The following DNAH7 variants were observed in gnomAD, a reference collection of about 807,000 sequenced individuals.
DNAH7 encodes dynein axonemal heavy chain 7.
Under a neutral mutation model 444.6 loss-of-function variants are expected in DNAH7, and 397 were observed. That is an observed-to-expected ratio of 0.89 (90% CI 0.82 to 0.97). The LOEUF (loss-of-function observed/expected upper bound fraction) is 0.97, where lower values mean the gene tolerates loss of function less well. DNAH7 is among the 50% of genes least tolerant of loss of function. The probability of loss-of-function intolerance (pLI) is 0.00; values close to 1 mark genes in which losing one functional copy is unlikely to be tolerated. For synonymous variants in DNAH7, 1,636 were observed against 1,624.4 expected (o/e 1.01, Z -0.17); for missense variants, 4,902 against 4,800.8 (o/e 1.02, Z -0.62).
At chr2:195,964,381 G>A (rs995118286) in intron 17 of DNAH7, among the ~76,000 whole-genome samples, 1 of 151,814 alleles carries the variant, frequency 6.6e-6, no homozygotes, top group Non-Finnish European at 1.5e-5. Context: ...TAATTCTTAG[G>A]TATTTAATTT....
chr2:195,783,776 T>C (rs1695493633), intron 58 of DNAH7, among the ~76,000 whole-genome samples: 1 of 152,166 alleles, frequency 6.6e-6, no homozygotes, highest in South Asian at 2.1e-4. Flanking sequence ...CTCCATTCTG[T>C]TGTAAGAGTG....
At chr2:195,969,204 C>G (rs996016147) in intron 17 of DNAH7, among the ~76,000 whole-genome samples, 6 of 152,210 alleles carry the variant, frequency 3.9e-5, no homozygotes, top group African/African-American at 9.7e-5. Flanking sequence ...GGCTTCTATT[C>G]AGCCATTTTG....
At position 195,834,273 on chromosome 2, in the gene DNAH7, A is replaced by G; in HGVS notation, c.9033T>C (p.Tyr3011=). Residue 3011 remains tyrosine, a synonymous_variant, in exon 48 of 65, where the codon TAT becomes TAC. Coordinates refer to ENST00000312428, the MANE Select transcript of DNAH7 (RefSeq NM_018897.3). ...IKNMEKANSL[Y]VIKLSEPDYV... is the part of the protein sequence containing the mutation. Reference sequence around the variant, plus strand: ...AGTCAGGTTCACTAAGTTTAATCACATAAAGACTATTGGCTTTTTCCATGT... The same window carrying G: ...AGTCAGGTTCACTAAGTTTAATCACGTAAAGACTATTGGCTTTTTCCATGT... The G allele has an allele frequency of 6.2e-7, 1 of 1,609,880 alleles. No individual in the cohort carries two copies. Among genetic ancestry groups the G allele is most frequent in the Non-Finnish European group, 8.5e-7 (1 of 1,176,496 alleles).
intron 57 of DNAH7, among the ~76,000 whole-genome samples, chr2:195,791,394 A>T (rs1335917249): frequency 6.6e-6 from 1 of 151,210 alleles, no homozygotes; most frequent in East Asian, 1.9e-4. Flanking sequence ...AAAAAAAAAA[A>T]GTCAAAACAC....
intron 56 of DNAH7, among the ~76,000 whole-genome samples, chr2:195,796,238 T>C (rs1696129966): frequency 6.6e-6 from 1 of 152,216 alleles, no homozygotes; most frequent in South Asian, 2.1e-4. Context: ...ACAGTCCTCC[T>C]TGGTTGCTTT....
intron 49 of DNAH7, among the ~76,000 whole-genome samples, chr2:195,823,145 T>G (rs1024616952): frequency 6.6e-6 from 1 of 152,192 alleles, no homozygotes; most frequent in African/African-American, 2.4e-5. Context: ...GGTAAATACA[T>G]AGTAGACATT....
intron 51 of DNAH7, among the ~76,000 whole-genome samples, chr2:195,815,968 G>A (rs1697198098): frequency 6.6e-6 from 1 of 152,108 alleles, no homozygotes; most frequent in African/African-American, 2.4e-5. Context: ...CTCCTGCCTG[G>A]GCGACAGAGT....
intron 57 of DNAH7, among the ~76,000 whole-genome samples, chr2:195,792,829 G>C (rs1695951424): frequency 6.6e-6 from 1 of 152,078 alleles, no homozygotes; most frequent in South Asian, 2.1e-4. Context: ...GGGGGAGAGA[G>C]AGAGAGAGGA....
At chr2:195,743,089 C>T (rs1346609262) in intron 63 of DNAH7, among the ~76,000 whole-genome samples, 6 of 152,316 alleles carry the variant, frequency 3.9e-5, no homozygotes, top group East Asian at 1.9e-4. Context: ...CTTCATCTTT[C>T]TCCCATGCTG....
intron 38 of DNAH7, 22 bp downstream of exon 38, chr2:195,875,653 A>C: frequency 6.5e-7 from 1 of 1,537,538 alleles, no homozygotes. Flanking sequence ...CATCTTAGTA[A>C]TCACAAACTC....
rs75732298 is a variant in DNAH7, at chr2:196,006,936, T to C, written c.990-5078A>G. 0.02 allele frequency among the ~76,000 whole-genome samples: 2,977 copies of C among 152,100 alleles called. 251 individuals are homozygous for C. In the East Asian group the frequency reaches 0.27, roughly 14 times the overall value. On this transcript the variant is annotated intron_variant, in intron 10 of 64. Transcript: ENST00000312428. The stretch of plus-strand genomic sequence containing the variant: ...CACATATACTGAAAACTACACGACA[T>C]TGTTGAAATAAATTAAAGAAGAACT...
intron 63 of DNAH7, among the ~76,000 whole-genome samples, chr2:195,744,239 G>A (rs1029794752): frequency 5.3e-5 from 8 of 152,240 alleles, no homozygotes; most frequent in Non-Finnish European, 7.3e-5. Flanking sequence ...AGGGGCCTAC[G>A]CCCACGGAGT....
At chr2:195,907,090 T>C in intron 25 of DNAH7, 81 bp from the exon 26 acceptor site, 1 of 1,089,412 alleles carries the variant, frequency 9.2e-7, no homozygotes, top group Non-Finnish European at 1.3e-6. Context: ...ACCTGATCTT[T>C]TCAAGGATTT....
At chr2:195,830,498 T>C (rs1051976607) in intron 48 of DNAH7, among the ~76,000 whole-genome samples, 18 of 152,330 alleles carry the variant, frequency 1.2e-4, no homozygotes, top group African/African-American at 3.6e-4. Context: ...TTATCAAAAA[T>C]AGACTCAACA....
At chr2:196,034,868 C>T (rs569721913) in intron 5 of DNAH7, among the ~76,000 whole-genome samples, 2 of 152,050 alleles carry the variant, frequency 1.3e-5, no homozygotes, top group African/African-American at 2.4e-5. Flanking sequence ...TGCATGTAAA[C>T]GTAAGAGTTA....
intron 63 of DNAH7, among the ~76,000 whole-genome samples, chr2:195,749,296 C>T (rs1046153408): frequency 1.3e-4 from 20 of 151,782 alleles, no homozygotes; most frequent in African/African-American, 4.4e-4. Flanking sequence ...CATCTCACAC[C>T]AGTTAGAATG....
intron 24 of DNAH7, among the ~76,000 whole-genome samples, chr2:195,912,076 T>C (rs1052810041): frequency 1.3e-5 from 2 of 152,132 alleles, no homozygotes; most frequent in African/African-American, 4.8e-5. Flanking sequence ...TTTGGAACAT[T>C]AGCTATCATC....
intron 21 of DNAH7, among the ~76,000 whole-genome samples, chr2:195,930,278 G>A (rs1688605701): frequency 6.6e-6 from 1 of 152,066 alleles, no homozygotes; most frequent in Non-Finnish European, 1.5e-5. Flanking sequence ...GGAGATGGGG[G>A]TTGCAGTGAG....
intron 28 of DNAH7, among the ~76,000 whole-genome samples, chr2:195,899,960 TATTTC>T (rs1480984530): frequency 6.6e-6 from 1 of 152,226 alleles, no homozygotes; most frequent in Admixed American, 6.5e-5. Flanking sequence ...TTATTATACT[TATTTC>T]ATTTAATGCT....
Sources: allele counts gnomAD v4.1 joint callset (sites outside exome capture counted in the v4.1 genomes callset), GRCh38; gene constraint gnomAD v4.1.1; transcripts MANE v1.5; gene names NCBI Gene and HGNC (gene_info 2026-07-23, HGNC 2026-07-21).